Variants in PDIA3 observed in about 807,000 individuals in gnomAD.
PDIA3 encodes the protein protein disulfide-isomerase A3.
Under a neutral mutation model 56.9 loss-of-function variants are expected in PDIA3, and 16 were observed. The ratio of observed to expected loss-of-function variants is 0.28; its 90% CI spans 0.19 to 0.43. PDIA3 has a LOEUF of 0.43. Ranked by LOEUF, PDIA3 falls within the 20% of genes least tolerant of loss-of-function variation. The probability of loss-of-function intolerance (pLI) is 1.00; values close to 1 mark genes in which losing one functional copy is unlikely to be tolerated. For synonymous variants in PDIA3, 192 were observed against 216.5 expected, an observed-to-expected ratio of 0.89 and a Z score of 0.99; for missense variants, 485 against 621.3, an observed-to-expected ratio of 0.78 and a Z score of 2.33.
At chr15:43,769,783 T>C in intron 10 of PDIA3, 137 bp downstream of exon 10, 1 of 906,216 alleles carries the variant, frequency 1.1e-6, no homozygotes, top group South Asian at 1.6e-5. Context: ...TTACTCACTT[T>C]CTCGTGACTG....
At chr15:43,759,422 C>G (rs1043353614) in intron 3 of PDIA3, among the ~76,000 whole-genome samples, 1 of 152,018 alleles carries the variant, frequency 6.6e-6, no homozygotes, top group Non-Finnish European at 1.5e-5. Flanking sequence ...TTAAGTGAAA[C>G]AACCTATAAC....
At chr15:43,757,425 G>A (rs959472625) in intron 3 of PDIA3, among the ~76,000 whole-genome samples, 8 of 152,078 alleles carry the variant, frequency 5.3e-5, no homozygotes, top group African/African-American at 1.9e-4. Flanking sequence ...GGGCGTGGTG[G>A]CGGGCGCCTG....
At position 43,771,197 on chromosome 15, in the gene PDIA3, G is replaced by A; in HGVS notation, c.1497G>A (p.Lys499=). ...AAGAAGAAAAACCCAAGAAGAAGAA[G>A]AAGGCACAGGAGGATCTCTAAAGCA... is the stretch of plus-strand genomic sequence containing the variant. ...VIQEEKPKKK[K]KAQEDL Residue 499 remains lysine, a synonymous_variant, in exon 13 of 13, where the codon AAG becomes AAA. Coordinates refer to ENST00000300289, the MANE Select transcript of PDIA3 (RefSeq NM_005313.5). The A allele has an allele frequency of 6.2e-7, 1 of 1,610,634 alleles. No homozygotes were observed. Among genetic ancestry groups the A allele is most frequent in the East Asian group, 2.2e-5 (1 of 44,862 alleles).
intron 2 of PDIA3, among the ~76,000 whole-genome samples, chr15:43,754,967 AGT>A (rs2086768948): frequency 6.6e-6 from 1 of 151,850 alleles, no homozygotes; most frequent in Admixed American, 6.6e-5. Context: ...AAAAAAAAAA[AGT>A]AGTAAAGTAT....
At chr15:43,760,465 T>TA (rs1172542595) in intron 3 of PDIA3, among the ~76,000 whole-genome samples, 1 of 151,156 alleles carries the variant, frequency 6.6e-6, no homozygotes, top group Non-Finnish European at 1.5e-5. Flanking sequence ...TCTGCTTAAA[T>TA]AAACTGTGGC....
intron 11 of PDIA3, 67 bp from the exon 12 acceptor site, chr15:43,770,454 CTT>C (rs2086874256): frequency 4.4e-6 from 6 of 1,378,780 alleles, no homozygotes; most frequent in Admixed American, 1.7e-5. Flanking sequence ...CTGATTCCTT[CTT>C]GGCTTAAGAG....
chr15:43,769,748 G>T, intron 10 of PDIA3, 102 bp downstream of exon 10: 2 of 1,287,086 alleles, frequency 1.6e-6, no homozygotes, highest in South Asian at 1.3e-5. Flanking sequence ...AGTACTGATA[G>T]ATTTTTTTCC....
chr15:43,765,034 C>G (rs935198598), intron 5 of PDIA3, among the ~76,000 whole-genome samples: 1 of 152,076 alleles, frequency 6.6e-6, no homozygotes, highest in Non-Finnish European at 1.5e-5. Flanking sequence ...AGAAAAGAGT[C>G]CTTATGTGCT....
At chr15:43,762,250 G>A (rs528249337) in intron 4 of PDIA3, among the ~76,000 whole-genome samples, 6 of 152,184 alleles carry the variant, frequency 3.9e-5, no homozygotes, top group East Asian at 1.9e-4. Context: ...AGTGGCTCAC[G>A]CCTGTAATCC....
chr15:43,748,732 C>T (rs2086723462), intron 1 of PDIA3, among the ~76,000 whole-genome samples: 1 of 151,392 alleles, frequency 6.6e-6, no homozygotes, highest in African/African-American at 2.4e-5. Context: ...GTCTTTATTT[C>T]TTCACATTCC....
In PDIA3 at chr15:43,749,278, A is replaced by G. The variant is rs1422075354; in HGVS notation, c.167+2572A>G. ...CCGGCTAATTTTTGTATTTTAGTAG[A>G]GACGGGGTTTCACCATGTTAGCCTG... is the stretch of plus-strand genomic sequence containing the variant. On this transcript the variant is annotated intron_variant, in intron 1 of 12. Transcript: ENST00000300289. 2.0e-5 allele frequency among the ~76,000 whole-genome samples: 3 copies of G among 151,962 alleles called. No homozygotes were observed. The East Asian group carries it at 5.8e-4, about 30-fold the overall frequency.
chr15:43,754,507 A>C (rs2086764861), intron 2 of PDIA3, among the ~76,000 whole-genome samples: 1 of 151,956 alleles, frequency 6.6e-6, no homozygotes, highest in East Asian at 1.9e-4. Context: ...CTTTGGGATG[A>C]TTACTTGAGG....
Position 43,763,672 on chromosome 15 carries a change from G to A in PDIA3, c.602+466G>A, listed in dbSNP as rs1243328373. On this transcript the variant is annotated intron_variant, in intron 5 of 12. Coordinates refer to ENST00000300289, the MANE Select transcript of PDIA3 (RefSeq NM_005313.5). ...GGAACATCCCTCTATCTAGTAGAGG[G>A]AGATTGTATGCATGAACATATATAA... Among the ~76,000 whole-genome samples, 4 of 152,284 alleles carry A rather than the reference G, an allele frequency of 2.6e-5. No homozygotes were observed. The East Asian group carries it at 7.7e-4, about 29-fold the overall frequency.
rs561240916 is a variant in PDIA3, at chr15:43,751,774, T to G, written c.168-2050T>G. On this transcript the variant is annotated intron_variant, in intron 1 of 12. Coordinates refer to ENST00000300289, the MANE Select transcript of PDIA3 (RefSeq NM_005313.5). ...TTCTCATTCAGTAAGCCATGCATAC[T>G]TTTGTTGTTTTAATGCTCTGTGGGT... 26 of 1,292,138 alleles carry G rather than the reference T, an allele frequency of 2.0e-5. No homozygotes were observed. In the South Asian group the frequency reaches 2.8e-4, roughly 14 times the overall value. 80.0% of individuals were successfully genotyped at this position (1,292,138 alleles called of 1,614,324 possible). A position where few individuals can be genotyped will look rare whatever the true frequency, so the allele number is the denominator to read the frequency against.
intron 2 of PDIA3, among the ~76,000 whole-genome samples, chr15:43,755,841 G>A (rs960465416): frequency 1.3e-5 from 2 of 151,768 alleles, no homozygotes; most frequent in Admixed American, 1.3e-4. Context: ...TTGAACCTGT[G>A]TGGTAGAGGT....
In PDIA3 at chr15:43,753,835, G is replaced by C; in HGVS notation, c.179G>C (p.Cys60Ser). 2 of 1,612,696 alleles carry C rather than the reference G, an allele frequency of 1.2e-6. No homozygotes were observed. Among genetic ancestry groups the C allele is most frequent in the Non-Finnish European group, 1.7e-6 (2 of 1,178,742 alleles). The stretch of plus-strand genomic sequence containing the variant: ...TAATACGTATATAGGTGTGGACACT[G>C]CAAGAGACTTGCACCTGAGTATGAA... ...VEFFAPWCGH[C>S]KRLAPEYEAA... is the part of the protein sequence containing the mutation. Residue 60 changes from cysteine (C) to serine (S), a missense_variant, in exon 2 of 13, where the codon TGC (cysteine) becomes TCC (serine). Physicochemically the swap from Cys to Ser is moderately radical, Grantham distance 112. Transcript: ENST00000300289.
chr15:43,762,287 G>A (rs1414317800), intron 4 of PDIA3, among the ~76,000 whole-genome samples: 3 of 152,094 alleles, frequency 2.0e-5, no homozygotes, highest in South Asian at 2.1e-4. Context: ...TGAAGCGGGC[G>A]GATCACCTGA....
Position 43,760,811 on chromosome 15 carries a change from G to A in PDIA3, c.365-613G>A, listed in dbSNP as rs1032851449. On this transcript the variant is annotated intron_variant, in intron 3 of 12. Transcript: ENST00000300289. Reference sequence around the variant, plus strand: ...CTCCCAAAGTGCTGTGATTACAGGCGTGAGCCACAGCACCCGGCCAAAAAA... The same window carrying A: ...CTCCCAAAGTGCTGTGATTACAGGCATGAGCCACAGCACCCGGCCAAAAAA... Among the ~76,000 whole-genome samples the A allele has an allele frequency of 7.9e-5, 12 of 151,678 alleles. No individual in the cohort carries two copies. The East Asian group carries it at 9.9e-4, about 12-fold the overall frequency.
rs1369699887 is a variant in PDIA3 at position 43,773,276 on chromosome 15, T to G, written c.*2058T>G. On this transcript the variant is annotated 3_prime_UTR_variant, in exon 13 of 13. Coordinates refer to ENST00000300289, the MANE Select transcript of PDIA3 (RefSeq NM_005313.5). ...AAAAAGTAAAAATTCTCATTCTACC[T>G]TGCTTCCGTTCCCAGACCTTGTCTT... 6.2e-7 allele frequency: 1 copy of G among 1,614,134 alleles called. No individual in the cohort carries two copies. The highest frequency in any genetic ancestry group is 2.2e-5 in the East Asian group (1 of 44,890).
Sources: allele counts gnomAD v4.1 joint callset (sites outside exome capture counted in the v4.1 genomes callset), GRCh38; gene constraint gnomAD v4.1.1; transcripts MANE v1.5; gene names NCBI Gene and HGNC (gene_info 2026-07-23, HGNC 2026-07-21).